The following DPP10 variants were observed in gnomAD, a reference collection of about 807,000 sequenced individuals.
DPP10 encodes dipeptidyl peptidase like 10, also known as inactive dipeptidyl peptidase 10.
A neutral mutation model predicts 120.9 loss-of-function variants in DPP10; 33 were observed. The observed-to-expected ratio is 0.27, with a 90% CI of 0.21 to 0.37. The LOEUF (loss-of-function observed/expected upper bound fraction) is 0.37, where lower values mean the gene tolerates loss of function less well. Ranked by LOEUF, DPP10 falls within the 10% of genes least tolerant of loss-of-function variation. The pLI, the probability that DPP10 is intolerant of heterozygous loss-of-function variation, is 1.00. For missense variants in DPP10, 816 were observed against 942.8 expected (o/e 0.87, Z 1.76); for synonymous variants, 337 against 326.1 (o/e 1.03, Z -0.36).
intron 3 of DPP10, among the ~76,000 whole-genome samples, chr2:115,405,089 G>A (rs779266522): frequency 8.5e-5 from 13 of 152,068 alleles, no homozygotes; most frequent in Non-Finnish European, 1.5e-4. Context: ...TAGCACTAAG[G>A]CAAAAGTCTA....
At chr2:114,587,737 C>T (rs932690933) in intron 1 of DPP10, among the ~76,000 whole-genome samples, 4 of 152,308 alleles carry the variant, frequency 2.6e-5, no homozygotes, top group Admixed American at 2.6e-4. Flanking sequence ...ACTGTAAACT[C>T]TTGCAATTTA....
chr2:115,030,119 T>C (rs1306699804), intron 1 of DPP10, among the ~76,000 whole-genome samples: 1 of 152,154 alleles, frequency 6.6e-6, no homozygotes, highest in Non-Finnish European at 1.5e-5. Context: ...CTCTTCACCA[T>C]GTCCTAGGGA....
At chr2:115,132,309 C>T (rs1488250898) in intron 1 of DPP10, among the ~76,000 whole-genome samples, 2 of 151,994 alleles carry the variant, frequency 1.3e-5, no homozygotes. Flanking sequence ...CTTTTGGGAA[C>T]TTGAAAGTTT....
At chr2:114,571,002 C>T (rs765829586) in intron 1 of DPP10, among the ~76,000 whole-genome samples, 3 of 152,088 alleles carry the variant, frequency 2.0e-5, no homozygotes, top group Non-Finnish European at 4.4e-5. Flanking sequence ...GGTTCTGACA[C>T]GGCTTCCAGG....
chr2:115,143,921 T>C (rs1573770189), intron 1 of DPP10: 1 of 62,846 alleles, frequency 1.6e-5, no homozygotes, highest in Non-Finnish European at 5.2e-5. Context: ...AAGAATAGTA[T>C]TTTTTTTTTG....
At chr2:115,040,903 G>A (rs1183572425) in intron 1 of DPP10, among the ~76,000 whole-genome samples, 1 of 151,976 alleles carries the variant, frequency 6.6e-6, no homozygotes, top group Non-Finnish European at 1.5e-5. Flanking sequence ...CAGATGACTT[G>A]AGGTCACAAG....
At chr2:114,763,015 A>T (rs1680412495) in intron 1 of DPP10, among the ~76,000 whole-genome samples, 1 of 152,106 alleles carries the variant, frequency 6.6e-6, no homozygotes, top group Admixed American at 6.6e-5. Flanking sequence ...CTTCACTCAG[A>T]TGTGGGGTGT....
At chr2:115,162,137 C>G (rs958961459) in intron 1 of DPP10, 1 of 1,531,316 alleles carries the variant, frequency 6.5e-7, no homozygotes. Flanking sequence ...CTCTTCTCAC[C>G]CTCCCCCGCC....
intron 3 of DPP10, among the ~76,000 whole-genome samples, chr2:115,467,727 A>G (rs2074419921): frequency 6.6e-6 from 1 of 152,340 alleles, no homozygotes; most frequent in Non-Finnish European, 1.5e-5. Flanking sequence ...AAAAATTATT[A>G]TTAGAATAAT....
chr2:114,624,818 A>AT (rs1558942753), intron 1 of DPP10, among the ~76,000 whole-genome samples: 2 of 151,948 alleles, frequency 1.3e-5, no homozygotes, highest in African/African-American at 4.8e-5. Flanking sequence ...TAGTATAACA[A>AT]TAGGATAATA....
intron 3 of DPP10, among the ~76,000 whole-genome samples, chr2:115,369,347 TA>T (rs1313636589): frequency 6.6e-6 from 1 of 152,104 alleles, no homozygotes; most frequent in East Asian, 1.9e-4. Flanking sequence ...ATTATTATAA[TA>T]AAAAAGGCAT....
intron 4 of DPP10, among the ~76,000 whole-genome samples, chr2:115,525,680 G>A (rs1483211514): frequency 6.6e-6 from 1 of 151,884 alleles, no homozygotes; most frequent in Non-Finnish European, 1.5e-5. Flanking sequence ...AGATATATTA[G>A]CAAACCTGTT....
intron 1 of DPP10, among the ~76,000 whole-genome samples, chr2:114,653,701 A>G (rs1014447845): frequency 6.6e-6 from 1 of 152,276 alleles, no homozygotes; most frequent in Non-Finnish European, 1.5e-5. Context: ...CTTGAATCAA[A>G]TACAGCTTGG....
Position 115,663,759 on chromosome 2 carries a change from G to T in DPP10, c.442-25928G>T, listed in dbSNP as rs994615378. 2.6e-5 allele frequency among the ~76,000 whole-genome samples: 4 copies of T among 152,136 alleles called. No homozygotes were observed. In the South Asian group the frequency reaches 8.3e-4, roughly 32 times the overall value. On this transcript the variant is annotated intron_variant, in intron 5 of 25. Transcript: ENST00000410059. ...CGCCTGTAATCCCAGCACTTTGGGAGGCTGAGGCAGGCGGATCACGAGGTC... is the reference window on the plus strand; with the variant it reads ...CGCCTGTAATCCCAGCACTTTGGGATGCTGAGGCAGGCGGATCACGAGGTC...
At chr2:115,355,127 C>T (rs906696419) in intron 3 of DPP10, among the ~76,000 whole-genome samples, 2 of 152,164 alleles carry the variant, frequency 1.3e-5, no homozygotes, top group Non-Finnish European at 2.9e-5. Flanking sequence ...AATTGCCATA[C>T]TGTCTTCCAC....
At chr2:115,313,427 A>G (rs2061663294) in intron 2 of DPP10, among the ~76,000 whole-genome samples, 1 of 152,194 alleles carries the variant, frequency 6.6e-6, no homozygotes, top group South Asian at 2.1e-4. Context: ...CAATGATAAT[A>G]ATGCCTTGTT....
At chr2:115,285,221 CCTCT>C (rs1350443561) in intron 1 of DPP10, among the ~76,000 whole-genome samples, 1 of 152,004 alleles carries the variant, frequency 6.6e-6, no homozygotes, top group East Asian at 1.9e-4. Context: ...ACTGCTACTC[CCTCT>C]CTTTCTCACA....
At chr2:114,801,262 C>CAAAAAAAAAAAAA (rs1174819592) in intron 1 of DPP10, among the ~76,000 whole-genome samples, 2 of 59,656 alleles carry the variant, frequency 3.4e-5, no homozygotes, top group African/African-American at 5.5e-5. Context: ...GACTCTGTAT[C>CAAAAAAAAAAAAA]AAAAAAAAAA....
chr2:114,776,718 T>A (rs1681779543), intron 1 of DPP10, among the ~76,000 whole-genome samples: 1 of 152,162 alleles, frequency 6.6e-6, no homozygotes, highest in Admixed American at 6.6e-5. Flanking sequence ...TTAGAGTAAT[T>A]TTTAAAGTCA....
Sources: allele counts gnomAD v4.1 joint callset (sites outside exome capture counted in the v4.1 genomes callset), GRCh38; gene constraint gnomAD v4.1.1; transcripts MANE v1.5; gene names NCBI Gene and HGNC (gene_info 2026-07-23, HGNC 2026-07-21).